Variants in ARHGEF18 observed in about 807,000 individuals in gnomAD.
ARHGEF18 encodes the protein rho guanine nucleotide exchange factor 18.
ARHGEF18 carries 93 observed loss-of-function variants against 155.7 expected under a neutral mutation model. The ratio of observed to expected loss-of-function variants is 0.60; its 90% CI spans 0.50 to 0.71. The LOEUF is 0.71. Among genes scored for constraint, ARHGEF18 ranks in the 30% least tolerant of loss-of-function variants. ARHGEF18 has a pLI of 0.00. For missense variants in ARHGEF18, 1,593 were observed against 1,816.1 expected (o/e 0.88, Z 2.23); for synonymous variants, 742 against 753.1 (o/e 0.99, Z 0.24).
rs1409464734 is a variant in ARHGEF18 at position 7,455,951 on chromosome 19, C to G, written c.2105-376C>G. 3.9e-5 allele frequency among the ~76,000 whole-genome samples: 6 copies of G among 152,224 alleles called. No individual in the cohort carries two copies. The South Asian group carries it at 1.2e-3, about 32-fold the overall frequency. On this transcript the variant is annotated intron_variant, in intron 17 of 28. Transcript: ENST00000668164. The stretch of plus-strand genomic sequence containing the variant: ...ATTACCTCCCACCAGGTCCCTCTTA[C>G]AGCACGTGGGAATTCAAGATGAGAT...
chr19:7,420,548 G>C (rs370509256), intron 10 of ARHGEF18, among the ~76,000 whole-genome samples: 16 of 152,228 alleles, frequency 1.1e-4, no homozygotes, highest in East Asian at 9.7e-4. Context: ...CCCCCACGCC[G>C]GGCCTGTTTT....
intron 2 of ARHGEF18, among the ~76,000 whole-genome samples, chr19:7,369,055 C>A (rs888574862): frequency 6.6e-6 from 1 of 152,196 alleles, no homozygotes; most frequent in Non-Finnish European, 1.5e-5. Flanking sequence ...ATTGACCAGG[C>A]GCGGCGGCTC....
chr19:7,378,585 C>T (rs1478857187), intron 6 of ARHGEF18, 134 bp downstream of exon 6: 2 of 622,040 alleles, frequency 3.2e-6, no homozygotes, highest in East Asian at 6.9e-5. Flanking sequence ...CCCACTAGTC[C>T]CCCCATAACC....
chr19:7,399,758 C>T (rs1466592133), intron 10 of ARHGEF18, among the ~76,000 whole-genome samples: 1 of 149,928 alleles, frequency 6.7e-6, no homozygotes, highest in African/African-American at 2.5e-5. Flanking sequence ...GGATTACAGG[C>T]GTGAGCCACC....
At chr19:7,467,805 G>A (rs2145913608) in intron 26 of ARHGEF18, 121 bp downstream of exon 26, 4 of 991,864 alleles carry the variant, frequency 4.0e-6, no homozygotes, top group Non-Finnish European at 5.5e-6. Flanking sequence ...AAGAGCAAAC[G>A]GCACAAGATA....
At chr19:7,469,153 G>T in intron 27 of ARHGEF18, 22 bp downstream of exon 27, 1 of 1,558,506 alleles carries the variant, frequency 6.4e-7, no homozygotes, top group Non-Finnish European at 8.7e-7. Context: ...CCACCCCTTC[G>T]CCTGGGCCTG....
Position 7,440,457 on chromosome 19 carries a change from C to T in ARHGEF18, c.1081C>T (p.Pro361Ser). 6 of 1,599,632 alleles carry T rather than the reference C, an allele frequency of 3.8e-6. No homozygotes were observed. In the East Asian group the frequency reaches 8.9e-5, roughly 24 times the overall value. ...AGGGGGTCCCCAGCCAACACCGAGC[C>T]CGGCTGGCCCTGGGACGCAACTCGG... ...QKGGPQPTPS[P>S]AGPGTQLGPI... Residue 361 changes from proline (P) to serine (S), a missense_variant, in exon 11 of 29, where the codon CCG (proline) becomes TCG (serine). Pro to Ser is a moderately conservative substitution (Grantham distance 74, BLOSUM62 -1). Coordinates refer to ENST00000668164, the MANE Select transcript of ARHGEF18 (RefSeq NM_001367823.1). The surrounding 1 kb of genome is among the most constrained non-coding windows in gnomAD (Gnocchi z 5.4).
intron 10 of ARHGEF18, among the ~76,000 whole-genome samples, chr19:7,389,555 A>G (rs1352648457): frequency 2.4e-5 from 3 of 126,014 alleles, no homozygotes; most frequent in African/African-American, 9.4e-5. Flanking sequence ...TTTTTTTGAG[A>G]TGGAGTCTTG....
In ARHGEF18 at chr19:7,362,164, A is replaced by G. The variant is rs758569822; in HGVS notation, c.-110-617A>G. Among the ~76,000 whole-genome samples the G allele has an allele frequency of 2.3e-4, 8 of 34,496 alleles. 1 individual carries two copies. Among genetic ancestry groups the G allele is most frequent in the East Asian group, 1.3e-3 (2 of 1,574 alleles). The allele number at this position is 34,496 out of a possible 152,430, so 22.6% of individuals were successfully genotyped here. A position where few individuals can be genotyped will look rare whatever the true frequency, so the allele number is the denominator to read the frequency against. On this transcript the variant is annotated intron_variant, in intron 1 of 28. Transcript: ENST00000668164. ...GAAGGAGAAGGAGAAGGAGGAGAAG[A>G]AGGAGAAGAAGGAGAAGAAGGAGAA...
intron 10 of ARHGEF18, among the ~76,000 whole-genome samples, chr19:7,420,505 G>A (rs1010333164): frequency 2.0e-5 from 3 of 152,132 alleles, no homozygotes; most frequent in African/African-American, 4.8e-5. Context: ...CGCCCACCTC[G>A]GCCTCCCAAA....
intron 10 of ARHGEF18, among the ~76,000 whole-genome samples, chr19:7,425,691 A>C (rs1010059199): frequency 1.3e-5 from 2 of 150,222 alleles, no homozygotes; most frequent in Non-Finnish European, 3.0e-5. Flanking sequence ...CAAAAAAAAA[A>C]AAAAAAGCTT....
At chr19:7,477,287 A>G, downstream of ARHGEF18, 1 of 1,583,838 alleles carries the variant, frequency 6.3e-7, no homozygotes, top group South Asian at 1.1e-5. Context: ...CATGAGGCCC[A>G]CTAGCCACGG....
chr19:7,395,107 G>A lies in ARHGEF18; in HGVS notation c.967+11904G>A. On this transcript the variant is annotated intron_variant, in intron 10 of 28. Transcript: ENST00000668164. This position sits in a 1 kb window ranked among gnomAD's most constrained non-coding sequence, Gnocchi z 5.0. ...TCCGAGGCGGGATCGCGCATGCGCT[G>A]CTCTCCTCGCGCGGCTTCCCGCTTC... The A allele has an allele frequency of 6.1e-6, 6 of 985,534 alleles. No individual in the cohort carries two copies. The highest frequency in any genetic ancestry group is 7.2e-6 in the Non-Finnish European group (6 of 829,994). The allele number at this position is 985,534 out of a possible 1,614,324, so 61.0% of individuals were successfully genotyped here. A position where few individuals can be genotyped will look rare whatever the true frequency, so the allele number is the denominator to read the frequency against.
In ARHGEF18 at chr19:7,361,252, G is replaced by A. The variant is rs371571577; in HGVS notation, c.-110-1529G>A. Among the ~76,000 whole-genome samples, 11 of 152,112 alleles carry A rather than the reference G, an allele frequency of 7.2e-5. No homozygotes were observed. The South Asian group carries it at 1.0e-3, about 14-fold the overall frequency. On this transcript the variant is annotated intron_variant, in intron 1 of 28. Transcript: ENST00000668164. ...GGAGTTCCGGACCAGCCTGGCCAAC[G>A]TAGCAAGACCCCCGTCTCTACTAAA...
At chr19:7,419,962 TCATACCCCAGGTGCGCCCACACTC>T (rs1240492076) in intron 10 of ARHGEF18, among the ~76,000 whole-genome samples, 5 of 111,736 alleles carry the variant, frequency 4.5e-5, no homozygotes, top group African/African-American at 1.4e-4. Flanking sequence ...CACTCGGCCC[TCATACCCCAGGTGCGCCCACACTC>T]GGCCTCCACA....
chr19:7,397,658 G>A (rs1299190374), intron 10 of ARHGEF18, among the ~76,000 whole-genome samples: 7 of 151,968 alleles, frequency 4.6e-5, no homozygotes, highest in Non-Finnish European at 5.9e-5. Context: ...GCGTGAACCC[G>A]GGAGGTAGAG....
At position 7,354,164 on chromosome 19, in the gene ARHGEF18, A is replaced by G. The variant is rs532195594; in HGVS notation, c.-111+4923A>G. On this transcript the variant is annotated intron_variant, in intron 1 of 28. Coordinates refer to ENST00000668164, the MANE Select transcript of ARHGEF18 (RefSeq NM_001367823.1). Reference sequence around the variant, plus strand: ...TCCCTACAAAAAAGAAAAAAGTAAAAAAAATAGCCAAGTGTGATAGCATGC... The same window carrying G: ...TCCCTACAAAAAAGAAAAAAGTAAAGAAAATAGCCAAGTGTGATAGCATGC... Among the ~76,000 whole-genome samples, 112 of 151,806 alleles carry G rather than the reference A, an allele frequency of 7.4e-4. 1 individual carries two copies. Among genetic ancestry groups the G allele is most frequent in the Non-Finnish European group, 1.5e-3 (102 of 67,922 alleles).
At chr19:7,363,339 A>T (rs1366961553) in intron 2 of ARHGEF18, among the ~76,000 whole-genome samples, 1 of 151,924 alleles carries the variant, frequency 6.6e-6, no homozygotes, top group African/African-American at 2.4e-5. Context: ...GGATAAATGG[A>T]TGATGGGTGA....
At chr19:7,382,990 G>A (rs1970816464) in intron 9 of ARHGEF18, 72 bp from the exon 10 acceptor site, 1 of 1,232,384 alleles carries the variant, frequency 8.1e-7, no homozygotes. Flanking sequence ...CTGGTGGTGG[G>A]CTGGGTACAC....
Sources: gnomAD v4.1 joint callset for allele counts (sites outside exome capture counted in the v4.1 genomes callset) on GRCh38, gnomAD v4.1.1 for gene constraint, Gnocchi (gnomAD v3.1) non-coding constraint, MANE v1.5 for transcripts, NCBI Gene and HGNC (gene_info 2026-07-23, HGNC 2026-07-21) for gene names.